Variants in ZFAND3 observed in about 807,000 individuals in gnomAD.
The protein encoded by ZFAND3 is AN1-type zinc finger protein 3.
A neutral mutation model predicts 29.6 loss-of-function variants in ZFAND3; 10 were observed. The ratio of observed to expected loss-of-function variants is 0.34; its 90% confidence interval spans 0.21 to 0.57. The LOEUF (loss-of-function observed/expected upper bound fraction) is 0.57. Among genes scored for constraint, ZFAND3 ranks in the 20% least tolerant of loss-of-function variants. The pLI is 0.86. For missense variants in ZFAND3, 230 were observed against 304.5 expected (o/e 0.76, Z 1.82); for synonymous variants, 128 against 112.6 (o/e 1.14, Z -0.87).
At chr6:37,907,634 T>A (rs1348948897) in intron 1 of ZFAND3, among the ~76,000 whole-genome samples, 1 of 149,966 alleles carries the variant, frequency 6.7e-6, no homozygotes, top group East Asian at 1.9e-4. Context: ...CACTAGTTGA[T>A]GGGGATTTGG....
At chr6:37,900,576 G>A (rs1765300956) in intron 1 of ZFAND3, among the ~76,000 whole-genome samples, 1 of 151,986 alleles carries the variant, frequency 6.6e-6, no homozygotes, top group Non-Finnish European at 1.5e-5. Flanking sequence ...CCTCTTTTTG[G>A]AAAAGCACTA....
intron 2 of ZFAND3, among the ~76,000 whole-genome samples, chr6:38,042,572 C>G (rs751919707): frequency 2.0e-5 from 3 of 152,156 alleles, no homozygotes; most frequent in African/African-American, 7.2e-5. Flanking sequence ...CCTCAGCCTC[C>G]CAAAGTGCTG....
intron 4 of ZFAND3, among the ~76,000 whole-genome samples, chr6:38,109,817 A>G (rs909939303): frequency 3.9e-5 from 6 of 152,174 alleles, no homozygotes; most frequent in Non-Finnish European, 5.9e-5. Context: ...ATGTCTCCGC[A>G]GAAGCAGCTT....
At chr6:38,062,751 T>C (rs1764266910) in intron 3 of ZFAND3, 2 of 152,188 alleles carry the variant, frequency 1.3e-5, no homozygotes, top group South Asian at 2.1e-4. Flanking sequence ...ATGTGAGATA[T>C]ACATCTCTTT....
chr6:37,957,896 G>A (rs2842518), intron 2 of ZFAND3, among the ~76,000 whole-genome samples: 140,420 of 152,212 alleles, frequency 0.92, 65,546 homozygotes, highest in East Asian at 1. Context: ...TATGCTGTGT[G>A]TGTGACATAT....
rs5875611 is a variant in ZFAND3 at position 38,091,473 on chromosome 6, A to AT, written c.361+9043dup. Among the ~76,000 whole-genome samples the AT allele has an allele frequency of 4.5e-3, 331 of 73,688 alleles. 9 individuals are homozygous for AT. The highest frequency in any genetic ancestry group is 0.016 in the African/African-American group (275 of 17,480). The allele number at this position is 73,688 out of a possible 152,430, so 48.3% of individuals were successfully genotyped here. On this transcript the variant is annotated intron_variant, in intron 4 of 5. Transcript: ENST00000287218. ...CCCTCTCCTCCTTTGAAACTTTAGGATTTTTTTTTTTTTTTTTTTTTTTTT... is the reference window on the plus strand; with the variant it reads ...CCCTCTCCTCCTTTGAAACTTTAGGATTTTTTTTTTTTTTTTTTTTTTTTTT...
At chr6:38,110,136 A>G (rs16890365) in intron 4 of ZFAND3, among the ~76,000 whole-genome samples, 11,563 of 152,230 alleles carry the variant, frequency 0.076, 523 homozygotes, top group African/African-American at 0.13. Flanking sequence ...TCGTCTCCAT[A>G]TCAAATGAAG....
intron 3 of ZFAND3, among the ~76,000 whole-genome samples, chr6:38,076,462 A>G (rs556290592): frequency 2.0e-5 from 3 of 152,236 alleles, no homozygotes; most frequent in South Asian, 4.1e-4. Flanking sequence ...GATTTTGTTG[A>G]GAAAGACACC....
At chr6:37,943,431 G>A (rs557120436) in intron 2 of ZFAND3, among the ~76,000 whole-genome samples, 1 of 152,304 alleles carries the variant, frequency 6.6e-6, no homozygotes, top group East Asian at 1.9e-4. Flanking sequence ...TTTGATATCT[G>A]TAGAGAACAC....
chr6:37,896,514 T>TTTTCTTTCTTTC (rs58666227), intron 1 of ZFAND3, among the ~76,000 whole-genome samples: 14,329 of 109,008 alleles, frequency 0.13, 1,253 homozygotes, highest in Non-Finnish European at 0.14. Context: ...TTCCTCTTTC[T>TTTTCTTTCTTTC]TTTCTTTCTT....
chr6:38,059,825 G>A (rs1764200192), intron 2 of ZFAND3, among the ~76,000 whole-genome samples: 1 of 152,084 alleles, frequency 6.6e-6, no homozygotes, highest in Non-Finnish European at 1.5e-5. Flanking sequence ...GCAGTGAGCC[G>A]AGATCATGCC....
At chr6:37,860,178 G>GTTT (rs34072361) in intron 1 of ZFAND3, among the ~76,000 whole-genome samples, 7 of 122,838 alleles carry the variant, frequency 5.7e-5, no homozygotes, top group African/African-American at 9.3e-5. Flanking sequence ...GCCAAAAAGA[G>GTTT]TTTTTTTTTT....
chr6:38,070,244 G>A (rs942707334), intron 3 of ZFAND3, among the ~76,000 whole-genome samples: 5 of 151,976 alleles, frequency 3.3e-5, no homozygotes, highest in Non-Finnish European at 7.4e-5. Flanking sequence ...TCAACATGGT[G>A]AAACCCCCAC....
intron 1 of ZFAND3, among the ~76,000 whole-genome samples, chr6:37,871,146 T>C (rs1290149174): frequency 6.6e-6 from 1 of 152,232 alleles, no homozygotes; most frequent in Non-Finnish European, 1.5e-5. Context: ...TTTGATGTTG[T>C]AATACACAGT....
At chr6:37,853,662 A>C (rs1366825493) in intron 1 of ZFAND3, among the ~76,000 whole-genome samples, 2 of 152,210 alleles carry the variant, frequency 1.3e-5, no homozygotes, top group Non-Finnish European at 2.9e-5. Flanking sequence ...GATATATAAA[A>C]TATAATATGG....
intron 1 of ZFAND3, among the ~76,000 whole-genome samples, chr6:37,836,699 T>A (rs1234562562): frequency 6.6e-6 from 1 of 152,228 alleles, no homozygotes; most frequent in Non-Finnish European, 1.5e-5. Flanking sequence ...TAATCATTCA[T>A]GAATCTAACC....
intron 2 of ZFAND3, among the ~76,000 whole-genome samples, chr6:37,944,045 G>T (rs910093407): frequency 6.6e-6 from 1 of 152,028 alleles, no homozygotes; most frequent in Non-Finnish European, 1.5e-5. Context: ...CTTAATTCAG[G>T]TGCTGTTAGT....
chr6:37,832,280 G>A lies in ZFAND3; in HGVS notation c.71+12264G>A, dbSNP rs570267610. 2.0e-5 allele frequency among the ~76,000 whole-genome samples: 3 copies of A among 152,244 alleles called. No individual in the cohort carries two copies. In the East Asian group the frequency reaches 5.8e-4, roughly 29 times the overall value. On this transcript the variant is annotated intron_variant, in intron 1 of 5. Coordinates refer to ENST00000287218, the MANE Select transcript of ZFAND3 (RefSeq NM_021943.3). ...GACAGATTGGATGGTGGGGAGTGGT[G>A]GTAAAGGAGAAGAGAGGCAGCAGGG...
At chr6:37,931,901 A>G (rs1761603708) in intron 2 of ZFAND3, among the ~76,000 whole-genome samples, 1 of 152,204 alleles carries the variant, frequency 6.6e-6, no homozygotes, top group Non-Finnish European at 1.5e-5. Flanking sequence ...AATTTGTCAG[A>G]TACTTAGGTT....
Sources: gnomAD v4.1 joint callset for allele counts (sites outside exome capture counted in the v4.1 genomes callset) on GRCh38, gnomAD v4.1.1 for gene constraint, MANE v1.5 for transcripts, NCBI Gene and HGNC (gene_info 2026-07-23, HGNC 2026-07-21) for gene names.